PARD6G: variants seen among roughly 807,000 people sequenced by gnomAD.
PARD6G encodes partitioning defective 6 homolog gamma.
PARD6G carries 7 observed loss-of-function variants against 10.7 expected under a neutral mutation model. The observed-to-expected ratio is 0.66, with a 90% CI of 0.37 to 1.23. PARD6G has a LOEUF of 1.23. Among genes scored for constraint, PARD6G ranks in the 50% most tolerant of loss-of-function variants. The probability of loss-of-function intolerance (pLI) is 0.02; values close to 1 mark genes in which losing one functional copy is unlikely to be tolerated. For synonymous variants in PARD6G, 287 were observed against 269.4 expected (o/e 1.07, Z -0.64); for missense variants, 548 against 571.8 (o/e 0.96, Z 0.42).
intron 2 of PARD6G, chr18:80,185,108 G>A (rs1411929185): frequency 2.0e-5 from 3 of 152,080 alleles, no homozygotes; most frequent in Non-Finnish European, 4.4e-5. Flanking sequence ...TCACCAAATT[G>A]GACTAAAATC....
intron 1 of PARD6G, among the ~76,000 whole-genome samples, chr18:80,213,821 G>T (rs1466228400): frequency 1.3e-5 from 2 of 151,984 alleles, no homozygotes; most frequent in African/African-American, 4.8e-5. Flanking sequence ...AACCAGGCGT[G>T]GTGGCGGGTG....
chr18:80,207,419 G>A (rs1456898774), intron 1 of PARD6G, among the ~76,000 whole-genome samples: 3 of 151,562 alleles, frequency 2.0e-5, no homozygotes, highest in South Asian at 2.1e-4. Context: ...AGATTCTTCC[G>A]AAGTTTATTT....
chr18:80,228,918 A>G lies in PARD6G; in HGVS notation c.72+18359T>C, dbSNP rs1262024056. 6.6e-6 allele frequency among the ~76,000 whole-genome samples: 1 copy of G among 152,216 alleles called. No individual in the cohort carries two copies. The highest frequency in any genetic ancestry group is 2.4e-5 in the African/African-American group (1 of 41,450). ...TGAAAGCACATTTCCAGGTGGAGAT[A>G]TGATGAAGCTAACAGAAGTGGGACT... is the stretch of plus-strand genomic sequence containing the variant. On this transcript the variant is annotated intron_variant, in intron 1 of 2. Coordinates refer to ENST00000353265, the MANE Select transcript of PARD6G (RefSeq NM_032510.4). This position sits in a 1 kb window ranked among gnomAD's most constrained non-coding sequence, Gnocchi z 4.6.
chr18:80,185,615 C>T (rs942220562), intron 2 of PARD6G, among the ~76,000 whole-genome samples: 14 of 151,988 alleles, frequency 9.2e-5, no homozygotes, highest in African/African-American at 3.4e-4. Context: ...CATGCTCCCA[C>T]ACCCACACAC....
chr18:80,225,726 T>C (rs890431707), intron 1 of PARD6G, among the ~76,000 whole-genome samples: 15 of 152,208 alleles, frequency 9.9e-5, no homozygotes, highest in Non-Finnish European at 1.9e-4. Context: ...CCTGAAGTAG[T>C]TGGAGAAGCG....
intron 1 of PARD6G, among the ~76,000 whole-genome samples, chr18:80,223,613 TAGGAATGTAAA>T (rs1435675061): frequency 6.6e-6 from 1 of 152,200 alleles, no homozygotes; most frequent in Non-Finnish European, 1.5e-5. Flanking sequence ...ACATTTTTGT[TAGGAATGTAAA>T]ACGGTGCAAA....
intron 2 of PARD6G, among the ~76,000 whole-genome samples, chr18:80,174,459 C>A (rs959528122): frequency 6.6e-6 from 1 of 152,100 alleles, no homozygotes; most frequent in African/African-American, 2.4e-5. Flanking sequence ...TGAACCACCG[C>A]ACCTGCCCAC....
At chr18:80,243,899 G>A (rs1167092542) in intron 1 of PARD6G, among the ~76,000 whole-genome samples, 2 of 152,156 alleles carry the variant, frequency 1.3e-5, no homozygotes, top group Non-Finnish European at 2.9e-5. Flanking sequence ...CACGTCTGAA[G>A]GAACTCGGGG....
intron 1 of PARD6G, among the ~76,000 whole-genome samples, chr18:80,225,139 G>A (rs1243545916): frequency 2.0e-5 from 3 of 152,260 alleles, no homozygotes; most frequent in South Asian, 2.1e-4. Flanking sequence ...AAGGAACTGC[G>A]GCACCGTTTC....
chr18:80,237,396 C>A (rs1967436264), intron 1 of PARD6G, among the ~76,000 whole-genome samples: 1 of 152,150 alleles, frequency 6.6e-6, no homozygotes, highest in South Asian at 2.1e-4. Context: ...ACCAAAGAAA[C>A]CCTGGAAGAA....
chr18:80,229,549 G>A (rs192943591), intron 1 of PARD6G, among the ~76,000 whole-genome samples: 29 of 152,082 alleles, frequency 1.9e-4, no homozygotes, highest in Non-Finnish European at 3.1e-4. Context: ...GAGCCAGCTG[G>A]AAATGCTCTA....
At chr18:80,238,234 C>T (rs748245805) in intron 1 of PARD6G, among the ~76,000 whole-genome samples, 1 of 151,922 alleles carries the variant, frequency 6.6e-6, no homozygotes, top group Non-Finnish European at 1.5e-5. Flanking sequence ...AGCAAACTAT[C>T]GAAAGGACAA....
chr18:80,210,509 C>G (rs9956207), intron 1 of PARD6G, among the ~76,000 whole-genome samples: 1 of 152,032 alleles, frequency 6.6e-6, no homozygotes, highest in Non-Finnish European at 1.5e-5. Context: ...GGACTGTCAT[C>G]GTCAGACCTG....
Position 80,183,109 on chromosome 18 carries a change from T to C in PARD6G, c.295+19601A>G, listed in dbSNP as rs1447086192. On this transcript the variant is annotated intron_variant, in intron 2 of 2. Coordinates refer to ENST00000353265, the MANE Select transcript of PARD6G (RefSeq NM_032510.4). This position sits in a 1 kb window ranked among gnomAD's most constrained non-coding sequence, Gnocchi z 4.5. ...AGAAGTCCCCCTTTCAAACCAAGAT[T>C]TGAGCTGAAGAGTCAGGTTCCTGGT... 1.4e-6 allele frequency: 1 copy of C among 702,908 alleles called. No homozygotes were observed. Among genetic ancestry groups the C allele is most frequent in the Non-Finnish European group, 2.6e-6 (1 of 384,986 alleles). 43.5% of individuals were successfully genotyped at this position (702,908 alleles called of 1,614,324 possible).
Position 80,200,693 on chromosome 18 carries a change from G to A in PARD6G, c.295+2017C>T, listed in dbSNP as rs890453382. Reference sequence around the variant, plus strand: ...ACTGGGCTACTACTCTGAGGGCAGAGGAAGAAGGAAAAATAAATGATGAAG... The same window carrying A: ...ACTGGGCTACTACTCTGAGGGCAGAAGAAGAAGGAAAAATAAATGATGAAG... On this transcript the variant is annotated intron_variant, in intron 2 of 2. Coordinates refer to ENST00000353265, the MANE Select transcript of PARD6G (RefSeq NM_032510.4). The surrounding 1 kb of genome is among the most constrained non-coding windows in gnomAD (Gnocchi z 4.4). 2.6e-5 allele frequency among the ~76,000 whole-genome samples: 4 copies of A among 152,212 alleles called. No homozygotes were observed. Among genetic ancestry groups the A allele is most frequent in the Non-Finnish European group, 5.9e-5 (4 of 68,044 alleles).
intron 1 of PARD6G, among the ~76,000 whole-genome samples, chr18:80,233,561 G>A (rs1967383979): frequency 6.6e-6 from 1 of 152,218 alleles, no homozygotes; most frequent in Admixed American, 6.5e-5. Context: ...GACTGTGGGT[G>A]GAAAGCCAGT....
At chr18:80,203,475 G>A (rs1967028001) in intron 1 of PARD6G, among the ~76,000 whole-genome samples, 1 of 152,124 alleles carries the variant, frequency 6.6e-6, no homozygotes. Context: ...CACACTGACC[G>A]AGGGACAGCT....
intron 2 of PARD6G, among the ~76,000 whole-genome samples, chr18:80,177,124 GCACA>G (rs980113711): frequency 4.1e-4 from 53 of 130,520 alleles, no homozygotes; most frequent in Non-Finnish European, 7.0e-4. Flanking sequence ...CAAATGGGAA[GCACA>G]CACACACACA....
intron 1 of PARD6G, among the ~76,000 whole-genome samples, chr18:80,208,058 A>G (rs1967071129): frequency 6.6e-6 from 1 of 152,044 alleles, no homozygotes; most frequent in Non-Finnish European, 1.5e-5. Flanking sequence ...ATTTCACTGT[A>G]TCAAATCACT....
Sources: gnomAD v4.1 joint callset for allele counts (sites outside exome capture counted in the v4.1 genomes callset) on GRCh38, gnomAD v4.1.1 for gene constraint, Gnocchi (gnomAD v3.1) non-coding constraint, MANE v1.5 for transcripts, NCBI Gene and HGNC (gene_info 2026-07-23, HGNC 2026-07-21) for gene names.